Variants in DCPH1 observed in about 807,000 individuals in gnomAD.
DCPH1 encodes the protein damage-control phosphatase 1.
the DCPH1 span, among the ~76,000 whole-genome samples, chr6:151,453,915 C>T: frequency 6.6e-6 from 1 of 152,060 alleles, no homozygotes; most frequent in Non-Finnish European, 1.5e-5. Flanking sequence ...TCTATAAAAT[C>T]TCTGATTTTT....
chr6:151,452,902 T>G, the DCPH1 span: 1 of 291,010 alleles, frequency 3.4e-6, no homozygotes, highest in Non-Finnish European at 6.3e-6. Flanking sequence ...AAATTCTGCG[T>G]AAGAGTTGGG....
At chr6:151,457,724 T>A in the DCPH1 span, among the ~76,000 whole-genome samples, 1 of 151,966 alleles carries the variant, frequency 6.6e-6, no homozygotes, top group Non-Finnish European at 1.5e-5. Flanking sequence ...TCTCTACATT[T>A]TATTATATAC....
chr6:151,462,609 AGTT>A, the DCPH1 span, among the ~76,000 whole-genome samples: 13 of 152,196 alleles, frequency 8.5e-5, no homozygotes, highest in African/African-American at 3.1e-4. Context: ...TTCAGTTTGG[AGTT>A]GTTAGGAAGA....
At chr6:151,454,744 TAA>T in the DCPH1 span, 5 of 620,820 alleles carry the variant, frequency 8.1e-6, no homozygotes, top group Non-Finnish European at 1.4e-5. Flanking sequence ...CCTTTAAATG[TAA>T]AAATCAATAG....
chr6:151,452,711 C>A, the DCPH1 span: 1 of 992,692 alleles, frequency 1.0e-6, no homozygotes, highest in Non-Finnish European at 1.5e-6. Context: ...CCGGGCGCGG[C>A]TTTCCGGGGC....
At chr6:151,459,269 A>G in the DCPH1 span, among the ~76,000 whole-genome samples, 1 of 152,256 alleles carries the variant, frequency 6.6e-6, no homozygotes, top group Non-Finnish European at 1.5e-5. Context: ...GGATGGGACA[A>G]AGTAAGCATA....
the DCPH1 span, among the ~76,000 whole-genome samples, chr6:151,457,277 G>A: frequency 6.6e-6 from 1 of 152,186 alleles, no homozygotes; most frequent in Non-Finnish European, 1.5e-5. Context: ...TGGCCCTGAG[G>A]TTAGTGTCAG....
the DCPH1 span, among the ~76,000 whole-genome samples, chr6:151,465,886 G>A: frequency 6.6e-6 from 1 of 152,264 alleles, no homozygotes; most frequent in South Asian, 2.1e-4. Flanking sequence ...CACAAATAAA[G>A]GCATATTTTG....
At chr6:151,468,318 A>G in the DCPH1 span, 5 of 1,497,304 alleles carry the variant, frequency 3.3e-6, no homozygotes, top group Non-Finnish European at 4.5e-6. Flanking sequence ...AGAAGGGTGA[A>G]TATTTTGTAC....
At chr6:151,461,306 T>C in the DCPH1 span, among the ~76,000 whole-genome samples, 1 of 152,188 alleles carries the variant, frequency 6.6e-6, no homozygotes, top group Non-Finnish European at 1.5e-5. Context: ...TAAAAATACC[T>C]AGAGCAGATT....
chr6:151,464,324 A>G, the DCPH1 span: 15 of 549,388 alleles, frequency 2.7e-5, 1 homozygote, highest in South Asian at 4.1e-4. Flanking sequence ...CTAGTTAATT[A>G]GATAAATGTT....
At chr6:151,461,622 G>C in the DCPH1 span, among the ~76,000 whole-genome samples, 2 of 152,212 alleles carry the variant, frequency 1.3e-5, no homozygotes, top group Non-Finnish European at 2.9e-5. Flanking sequence ...AGTGAGCCGA[G>C]ATTGTGCCGT....
At chr6:151,461,354 G>T in the DCPH1 span, among the ~76,000 whole-genome samples, 1 of 151,858 alleles carries the variant, frequency 6.6e-6, no homozygotes, top group East Asian at 2.0e-4. Context: ...CCCAGTTGGG[G>T]AAAAGGAAGG....
the DCPH1 span, chr6:151,452,602 C>G: frequency 6.2e-7 from 1 of 1,600,012 alleles, no homozygotes; most frequent in South Asian, 1.1e-5. Flanking sequence ...TCTAGCTTTT[C>G]TCCTCCCCAC....
the DCPH1 span, chr6:151,458,307 A>AT: frequency 7.5e-6 from 12 of 1,604,170 alleles, no homozygotes; most frequent in Non-Finnish European, 1.0e-5. Context: ...CACACAATTT[A>AT]TTTTTCTTGT....
chr6:151,452,548 G>A, the DCPH1 span: 1 of 1,611,766 alleles, frequency 6.2e-7, no homozygotes. Flanking sequence ...GGAAAGTGAT[G>A]GCTGTCGTCC....
chr6:151,466,232 A>G, the DCPH1 span, among the ~76,000 whole-genome samples: 6 of 151,944 alleles, frequency 3.9e-5, no homozygotes, highest in Admixed American at 6.6e-5. Flanking sequence ...GACATTGTTA[A>G]CTAATAAACC....
chr6:151,469,340 T>C, the DCPH1 span: 1 of 397,382 alleles, frequency 2.5e-6, no homozygotes, highest in Non-Finnish European at 4.4e-6. Context: ...TACATTTATA[T>C]TGGAATTTTA....
chr6:151,464,663 A>G, the DCPH1 span: 1 of 1,334,536 alleles, frequency 7.5e-7, no homozygotes, highest in East Asian at 2.3e-5. Flanking sequence ...ATTTAAACAG[A>G]AAATAAACTG....
Sources: gnomAD v4.1 joint callset for allele counts (sites outside exome capture counted in the v4.1 genomes callset) on GRCh38, gnomAD v4.1.1 for gene constraint, MANE v1.5 for transcripts, NCBI Gene and HGNC (gene_info 2026-07-23, HGNC 2026-07-21) for gene names.